TNFRSF8: variants seen among roughly 807,000 people sequenced by gnomAD.
TNFRSF8 encodes the protein tumor necrosis factor receptor superfamily member 8.
In TNFRSF8, 26 loss-of-function variants were observed where a neutral mutation model predicts 70.8. The observed-to-expected ratio is 0.37, with a 90% CI of 0.27 to 0.51. The LOEUF (loss-of-function observed/expected upper bound fraction) is 0.51. Ranked by LOEUF, TNFRSF8 falls within the 20% of genes least tolerant of loss-of-function variation. TNFRSF8 has a pLI of 0.94. For missense variants in TNFRSF8, 720 were observed against 807.9 expected (o/e 0.89, Z 1.32); for synonymous variants, 356 against 339.2 (o/e 1.05, Z -0.54).
At chr1:12,080,620 C>T (rs1200179272) in intron 1 of TNFRSF8, 2 of 286,590 alleles carry the variant, frequency 7.0e-6, no homozygotes, top group South Asian at 3.2e-5. Context: ...TGCAATGGTG[C>T]GTTCTTGGCT....
chr1:12,139,485 C>T (rs1642215647), intron 14 of TNFRSF8, among the ~76,000 whole-genome samples: 1 of 152,224 alleles, frequency 6.6e-6, no homozygotes, highest in Non-Finnish European at 1.5e-5. Context: ...CTCCACCATG[C>T]TATGCTCCCT....
At position 12,110,060 on chromosome 1, in the gene TNFRSF8, A is replaced by C. The variant is rs1641600111; in HGVS notation, c.532A>C (p.Lys178Gln). 1.2e-6 allele frequency: 2 copies of C among 1,612,946 alleles called. No homozygotes were observed. Among genetic ancestry groups the C allele is most frequent in the African/African-American group, 2.7e-5 (2 of 74,876 alleles). ...CCCCAGTGGCACCATCCCCCAGGCC[A>C]AGCCCACCCCGGTGTCCCCAGCAAC... ...EPSSGTIPQAKPTPVSPATSS... is the reference protein window; with the variant it reads ...EPSSGTIPQAQPTPVSPATSS... Residue 178 changes from lysine (K) to glutamine (Q), a missense_variant, in exon 6 of 15, where the codon AAG becomes CAG. Transcript: ENST00000263932. The surrounding 1 kb of genome is among the most constrained non-coding windows in gnomAD (Gnocchi z 4.0).
chr1:12,136,563 C>T (rs889072984), intron 13 of TNFRSF8, among the ~76,000 whole-genome samples: 6 of 150,352 alleles, frequency 4.0e-5, no homozygotes, highest in East Asian at 3.9e-4. Flanking sequence ...GCAGGAGAAT[C>T]GCTTGAGCCT....
intron 1 of TNFRSF8, among the ~76,000 whole-genome samples, chr1:12,067,131 T>A (rs545295687): frequency 4.6e-5 from 7 of 152,294 alleles, no homozygotes; most frequent in African/African-American, 1.7e-4. Context: ...GATTAACTGG[T>A]GCATATCTGC....
intron 12 of TNFRSF8, among the ~76,000 whole-genome samples, chr1:12,133,604 G>A (rs199626492): frequency 6.6e-6 from 1 of 151,712 alleles, no homozygotes; most frequent in African/African-American, 2.4e-5. Context: ...GCTGAGCATG[G>A]TGGTGCGTGC....
At chr1:12,135,079 GCCAAGGCGGGCA>G (rs1220389418) in intron 12 of TNFRSF8, among the ~76,000 whole-genome samples, 1 of 152,060 alleles carries the variant, frequency 6.6e-6, no homozygotes. Flanking sequence ...ACTTTGCAAG[GCCAAGGCGGGCA>G]GGTCAGGAGG....
At chr1:12,071,496 G>A (rs1439695271) in intron 1 of TNFRSF8, among the ~76,000 whole-genome samples, 2 of 152,186 alleles carry the variant, frequency 1.3e-5, no homozygotes, top group Non-Finnish European at 2.9e-5. Flanking sequence ...TGGATATGCT[G>A]TAGCAAAATG....
chr1:12,121,371 GTA>G (rs1486570053), intron 8 of TNFRSF8, among the ~76,000 whole-genome samples: 1 of 152,192 alleles, frequency 6.6e-6, no homozygotes, highest in African/African-American at 2.4e-5. Flanking sequence ...GGAGATGTGG[GTA>G]TGTGTGTGGG....
chr1:12,080,523 C>A, intron 1 of TNFRSF8: 1 of 472,766 alleles, frequency 2.1e-6, no homozygotes, highest in South Asian at 1.6e-5. Context: ...CTCCTGGGAA[C>A]GCTCTTTCGA....
At chr1:12,140,984 C>T (rs931189752) in intron 14 of TNFRSF8, among the ~76,000 whole-genome samples, 3 of 152,140 alleles carry the variant, frequency 2.0e-5, no homozygotes, top group African/African-American at 7.2e-5. Context: ...TGCTGAGGCC[C>T]TGCTCTGTTT....
At position 12,109,632 on chromosome 1, in the gene TNFRSF8, C is replaced by T. The variant is rs141348765; in HGVS notation, c.488C>T (p.Pro163Leu). Residue 163 changes from proline (P) to leucine (L), a missense_variant, in exon 5 of 15, where the codon CCA becomes CTA. Physicochemically the swap from Pro to Leu is moderately conservative, Grantham distance 98. Transcript: ENST00000263932. This position sits in a 1 kb window ranked among gnomAD's most constrained non-coding sequence, Gnocchi z 4.4. ...GGGGTCAGCCCTGCCTGTGCCAGCC[C>T]AGAGAACTGCAAGGAACCCTCCAGG... ...SPGVSPACAS[P>L]ENCKEPSSGT... 297 of 1,613,722 alleles carry T rather than the reference C, an allele frequency of 1.8e-4. No homozygotes were observed. Among genetic ancestry groups the T allele is most frequent in the Admixed American group, 4.8e-4 (29 of 60,012 alleles).
At position 12,141,117 on chromosome 1, in the gene TNFRSF8, G is replaced by A. The variant is rs774691237; in HGVS notation, c.1544-1170G>A. ...TCAAAACCAGAATAGAAGAACCAGC[G>A]TCATGCAATAGGGTTGAGGGTGTGG... On this transcript the variant is annotated intron_variant, in intron 14 of 14. Coordinates refer to ENST00000263932, the MANE Select transcript of TNFRSF8 (RefSeq NM_001243.5). The surrounding 1 kb of genome is among the most constrained non-coding windows in gnomAD (Gnocchi z 5.4). Among the ~76,000 whole-genome samples the A allele has an allele frequency of 1.2e-4, 19 of 152,162 alleles. No individual in the cohort carries two copies. The highest frequency in any genetic ancestry group is 3.4e-4 in the African/African-American group (14 of 41,408).
intron 14 of TNFRSF8, among the ~76,000 whole-genome samples, chr1:12,140,417 A>G (rs745740101): frequency 1.2e-3 from 190 of 152,074 alleles, no homozygotes; most frequent in Non-Finnish European, 1.9e-3. Flanking sequence ...CAAGGGAAGA[A>G]CCCCTTTCCC....
In TNFRSF8 at chr1:12,110,668, G is replaced by A. The variant is rs1426566513; in HGVS notation, c.676+464G>A. On this transcript the variant is annotated intron_variant, in intron 6 of 14. Coordinates refer to ENST00000263932, the MANE Select transcript of TNFRSF8 (RefSeq NM_001243.5). This position sits in a 1 kb window ranked among gnomAD's most constrained non-coding sequence, Gnocchi z 4.0. ...GGCTGGAGTGCAGTGGCGCAATCTC[G>A]GCTCACTGCCACCTCCACCTCCTGG... 6.6e-6 allele frequency among the ~76,000 whole-genome samples: 1 copy of A among 152,018 alleles called. No homozygotes were observed. Among genetic ancestry groups the A allele is most frequent in the African/African-American group, 2.4e-5 (1 of 41,370 alleles).
chr1:12,123,700 G>C lies in TNFRSF8; in HGVS notation c.1041-15G>C, dbSNP rs1284965302. ...TCCCATCTTCATCACTCCTGCCTTG[G>C]GCTTCTCCCCGCAGCACCAGCCCCA... On this transcript the variant is annotated splice_polypyrimidine_tract_variant and intron_variant, in intron 9 of 14. Coordinates refer to ENST00000263932, the MANE Select transcript of TNFRSF8 (RefSeq NM_001243.5). The C allele has an allele frequency of 6.4e-7, 1 of 1,550,774 alleles. No homozygotes were observed. The highest frequency in any genetic ancestry group is 1.7e-4 in the Middle Eastern group (1 of 5,976).
At position 12,104,420 on chromosome 1, in the gene TNFRSF8, C is replaced by T. The variant is rs1557589433; in HGVS notation, c.310C>T (p.Arg104Cys). Residue 104 changes from arginine (R) to cysteine (C), a missense_variant, in exon 4 of 15, where the codon CGT becomes TGT. By Grantham distance (180) the Arg-to-Cys change is radical. Coordinates refer to ENST00000263932, the MANE Select transcript of TNFRSF8 (RefSeq NM_001243.5). ...GACGCCGTGTGCATGGAACTCCTCC[C>T]GTGTCTGCGAATGTCGACCCGGCAT... ...EKTPCAWNSS[R>C]VCECRPGMFC... 3.1e-6 allele frequency: 5 copies of T among 1,614,154 alleles called. No homozygotes were observed. The highest frequency in any genetic ancestry group is 4.2e-6 in the Non-Finnish European group (5 of 1,180,032).
At chr1:12,124,941 C>A (rs1343677940) in intron 10 of TNFRSF8, among the ~76,000 whole-genome samples, 3 of 151,976 alleles carry the variant, frequency 2.0e-5, no homozygotes. Flanking sequence ...TTAGGACTTG[C>A]AGTTCTAGTG....
chr1:12,109,492 G>C lies in TNFRSF8; in HGVS notation c.422-74G>C, dbSNP rs1641585990. On this transcript the variant is annotated intron_variant, in intron 4 of 14. Transcript: ENST00000263932. This position sits in a 1 kb window ranked among gnomAD's most constrained non-coding sequence, Gnocchi z 4.4. ...GCCCCATCTCCGACTCTGGCCTGTG[G>C]TAGTGAAGGGTGTATTCCGGGAGAC... 9 of 1,260,304 alleles carry C rather than the reference G, an allele frequency of 7.1e-6. No individual in the cohort carries two copies. In the Admixed American group the frequency reaches 1.7e-4, roughly 24 times the overall value. 78.1% of individuals were successfully genotyped at this position (1,260,304 alleles called of 1,614,324 possible). A position where few individuals can be genotyped will look rare whatever the true frequency, so the allele number is the denominator to read the frequency against.
chr1:12,111,907 C>T lies in TNFRSF8; in HGVS notation c.686C>T (p.Pro229Leu), dbSNP rs757994224. ...GRPSSDPGLS[P>L]TQPCPEGSGD... ...CTGCTTCTTTCCCCAGGTCTGTCCC[C>T]AACACAGCCATGCCCAGAGGGGTCT... The change falls in exon 7 of 15, where the codon CCA becomes CTA. Residue 229 changes from proline to leucine, a missense_variant. Physicochemically the swap from Pro to Leu is moderately conservative, Grantham distance 98. Transcript: ENST00000263932. The T allele has an allele frequency of 6.2e-7, 1 of 1,614,014 alleles. No individual in the cohort carries two copies. The highest frequency in any genetic ancestry group is 1.3e-5 in the African/African-American group (1 of 74,936).
Sources: allele counts gnomAD v4.1 joint callset (sites outside exome capture counted in the v4.1 genomes callset), GRCh38; gene constraint gnomAD v4.1.1; non-coding constraint Gnocchi (gnomAD v3.1); transcripts MANE v1.5; gene names NCBI Gene and HGNC (gene_info 2026-07-23, HGNC 2026-07-21).